The following DIAPH3 variants were observed in gnomAD, a reference collection of about 807,000 sequenced individuals.
DIAPH3 encodes the protein protein diaphanous homolog 3.
In DIAPH3, 117 loss-of-function variants were observed where a neutral mutation model predicts 144.3. The ratio of observed to expected loss-of-function variants is 0.81; its 90% CI spans 0.70 to 0.95. DIAPH3 has a LOEUF of 0.95. DIAPH3 is among the 40% of genes least tolerant of loss of function. The pLI is 0.00. For missense variants in DIAPH3, 1,421 were observed against 1,412.7 expected (o/e 1.01, Z -0.09); for synonymous variants, 519 against 488.9 (o/e 1.06, Z -0.81).
intron 12 of DIAPH3, among the ~76,000 whole-genome samples, chr13:59,987,475 T>TAAAAAAAAAAAAAAAAAAAAAAA (rs201333360): frequency 7.1e-5 from 5 of 70,150 alleles, no homozygotes; most frequent in Non-Finnish European, 1.6e-4. Flanking sequence ...TAAAGTATAA[T>TAAAAAAAAAAAAAAAAAAAAAAA]AAAAAAAAAA....
In DIAPH3 at chr13:59,680,512, C is replaced by A. The variant is rs540969747; in HGVS notation, c.3320-13666G>T. On this transcript the variant is annotated intron_variant, in intron 27 of 27. Coordinates refer to ENST00000400324, the MANE Select transcript of DIAPH3 (RefSeq NM_001042517.2). ...CAGAACTTCAGGGATGCTAATCATA[C>A]ACTTACTTGCAGAACCCTGTTATTA... 7.2e-5 allele frequency among the ~76,000 whole-genome samples: 11 copies of A among 151,862 alleles called. No homozygotes were observed. In the East Asian group the frequency reaches 2.1e-3, roughly 29 times the overall value.
chr13:59,888,676 T>G (rs1181994429), intron 20 of DIAPH3, among the ~76,000 whole-genome samples: 1 of 152,116 alleles, frequency 6.6e-6, no homozygotes, highest in South Asian at 2.1e-4. Flanking sequence ...CTATTTCAGG[T>G]ACTCTTCATT....
chr13:59,906,341 G>A (rs1046036168), intron 20 of DIAPH3, among the ~76,000 whole-genome samples: 9 of 152,114 alleles, frequency 5.9e-5, no homozygotes, highest in African/African-American at 1.2e-4. Flanking sequence ...AAATGTTCAC[G>A]TGAACATGCA....
intron 27 of DIAPH3, among the ~76,000 whole-genome samples, chr13:59,718,685 A>G (rs2035187094): frequency 6.6e-6 from 1 of 152,252 alleles, no homozygotes; most frequent in East Asian, 1.9e-4. Context: ...TAATTGAGAC[A>G]TTTTCAATAG....
chr13:60,002,302 C>T (rs1201070740), intron 9 of DIAPH3, among the ~76,000 whole-genome samples: 1 of 152,174 alleles, frequency 6.6e-6, no homozygotes, highest in Non-Finnish European at 1.5e-5. Context: ...ATGAAACAAA[C>T]TGAACAGATT....
At chr13:59,932,812 C>A (rs1042028190) in intron 17 of DIAPH3, among the ~76,000 whole-genome samples, 4 of 152,108 alleles carry the variant, frequency 2.6e-5, no homozygotes, top group Non-Finnish European at 5.9e-5. Flanking sequence ...AGAAGCAGAA[C>A]TGCCTAAGAG....
rs538601072 is a variant in DIAPH3, at chr13:60,030,589, A to T, written c.626+12101T>A. 8.5e-5 allele frequency among the ~76,000 whole-genome samples: 13 copies of T among 152,220 alleles called. No homozygotes were observed. The East Asian group carries it at 1.9e-3, about 23-fold the overall frequency. ...ACTCTGATCTTCTCTCCTGAGTCCC[A>T]TATTAAGGCTTCACAATGATACAAT... On this transcript the variant is annotated intron_variant, in intron 5 of 27. Coordinates refer to ENST00000400324, the MANE Select transcript of DIAPH3 (RefSeq NM_001042517.2).
At chr13:59,893,365 A>C (rs1291178164) in intron 20 of DIAPH3, among the ~76,000 whole-genome samples, 1 of 152,186 alleles carries the variant, frequency 6.6e-6, no homozygotes, top group Non-Finnish European at 1.5e-5. Context: ...AAAATACTAT[A>C]AATGTGATAC....
intron 18 of DIAPH3, 112 bp from the exon 19 acceptor site, chr13:59,916,361 A>G: frequency 1.2e-6 from 1 of 820,790 alleles, no homozygotes; most frequent in Non-Finnish European, 2.0e-6. Context: ...GAGAATTCAA[A>G]CATTTAATAT....
At chr13:60,156,959 T>TTTTTTTTTA (rs1952064513) in intron 1 of DIAPH3, among the ~76,000 whole-genome samples, 1 of 67,812 alleles carries the variant, frequency 1.5e-5, no homozygotes, top group Non-Finnish European at 3.0e-5. Context: ...TTTTTTTTTT[T>TTTTTTTTTA]GAGACAGAGG....
chr13:59,910,185 A>AT (rs2046923555), intron 20 of DIAPH3, among the ~76,000 whole-genome samples: 1 of 151,790 alleles, frequency 6.6e-6, no homozygotes, highest in Non-Finnish European at 1.5e-5. Flanking sequence ...GTAAAAAAAA[A>AT]ACACTCTAAA....
intron 24 of DIAPH3, among the ~76,000 whole-genome samples, 155 bp from the exon 25 acceptor site, chr13:59,811,078 C>T (rs2040448491): frequency 6.6e-6 from 1 of 152,186 alleles, no homozygotes; most frequent in Non-Finnish European, 1.5e-5. Flanking sequence ...AAGGTATGCA[C>T]AGAAACCCTT....
chr13:59,992,005 A>G lies in DIAPH3; in HGVS notation c.1244+63T>C, dbSNP rs530571731. The G allele has an allele frequency of 1.2e-5, 16 of 1,280,162 alleles. No individual in the cohort carries two copies. In the South Asian group the frequency reaches 1.9e-4, roughly 15 times the overall value. 79.3% of individuals were successfully genotyped at this position (1,280,162 alleles called of 1,614,324 possible). The stretch of plus-strand genomic sequence containing the variant: ...GAAATGAGCTAAATATTTGTGGCTG[A>G]GTATTTTGGATTTAGCAATAATTTT... On this transcript the variant is annotated intron_variant, in intron 11 of 27. Transcript: ENST00000400324.
In DIAPH3 at chr13:59,685,847, T is replaced by C. The variant is rs567886097; in HGVS notation, c.3320-19001A>G. Among the ~76,000 whole-genome samples the C allele has an allele frequency of 9.2e-5, 14 of 152,268 alleles. No homozygotes were observed. The South Asian group carries it at 1.7e-3, about 18-fold the overall frequency. ...TGGAGTAAGAAAAAATAAAGTTCTA[T>C]TGATCATAAATCTTGTTTTCATGTG... On this transcript the variant is annotated intron_variant, in intron 27 of 27. Transcript: ENST00000400324.
intron 1 of DIAPH3, among the ~76,000 whole-genome samples, chr13:60,137,878 C>T (rs1356928404): frequency 5.3e-5 from 8 of 151,822 alleles, no homozygotes; most frequent in African/African-American, 1.7e-4. Flanking sequence ...CGTGCACCAC[C>T]ATGCCCGGCT....
intron 27 of DIAPH3, among the ~76,000 whole-genome samples, chr13:59,673,279 C>G (rs2032476201): frequency 6.6e-6 from 1 of 152,202 alleles, no homozygotes; most frequent in Admixed American, 6.5e-5. Context: ...CTTAGCAATT[C>G]TAATTTGGCT....
intron 17 of DIAPH3, among the ~76,000 whole-genome samples, chr13:59,931,878 G>C (rs996038241): frequency 2.6e-5 from 4 of 152,168 alleles, no homozygotes; most frequent in Non-Finnish European, 5.9e-5. Context: ...ATGTACAAGA[G>C]GCAGCTGGAC....
At chr13:60,033,612 T>C (rs1008617338) in intron 5 of DIAPH3, among the ~76,000 whole-genome samples, 3 of 152,140 alleles carry the variant, frequency 2.0e-5, no homozygotes, top group African/African-American at 7.2e-5. Context: ...TCATGAAAAT[T>C]CACTCACTAT....
intron 4 of DIAPH3, among the ~76,000 whole-genome samples, chr13:60,081,682 G>A (rs2057564364): frequency 6.6e-6 from 1 of 151,966 alleles, no homozygotes; most frequent in African/African-American, 2.4e-5. Context: ...ACCACCAACA[G>A]CCACAAATCC....
Sources: gnomAD v4.1 joint callset for allele counts (sites outside exome capture counted in the v4.1 genomes callset) on GRCh38, gnomAD v4.1.1 for gene constraint, MANE v1.5 for transcripts, NCBI Gene and HGNC (gene_info 2026-07-23, HGNC 2026-07-21) for gene names.